BPIFB1: variants seen among roughly 807,000 people sequenced by gnomAD.
The protein encoded by BPIFB1 is BPI fold containing family B member 1.
In BPIFB1, 34 loss-of-function variants were observed where a neutral mutation model predicts 55.1. The ratio of observed to expected loss-of-function variants is 0.62; its 90% CI spans 0.47 to 0.82. BPIFB1 has a LOEUF of 0.82. Among genes scored for constraint, BPIFB1 ranks in the 40% least tolerant of loss-of-function variants. The pLI is 0.00. For synonymous variants in BPIFB1, 236 were observed against 245.3 expected, an observed-to-expected ratio of 0.96 and a Z score of 0.35; for missense variants, 532 against 593.1, an observed-to-expected ratio of 0.90 and a Z score of 1.07.
chr20:33,297,700 C>T (rs778080565), intron 7 of BPIFB1, 112 bp downstream of exon 7: 2 of 1,112,734 alleles, frequency 1.8e-6, no homozygotes, highest in Non-Finnish European at 2.7e-6. Context: ...GCAACTCAGG[C>T]CCAGAAGCAG....
chr20:33,309,837 AT>A lies in BPIFB1; in HGVS notation c.*71del. The stretch of plus-strand genomic sequence containing the variant: ...AGTATGGGTGTGAGCTCTATAGACC[AT>A]CCCTCTCTGCAATCAATAAACACTT... On this transcript the variant is annotated 3_prime_UTR_variant, in exon 16 of 16. Coordinates refer to ENST00000253354, the MANE Select transcript of BPIFB1 (RefSeq NM_033197.3). This position sits in a 1 kb window ranked among gnomAD's most constrained non-coding sequence, Gnocchi z 4.4. 1.5e-6 allele frequency: 2 copies of A among 1,368,250 alleles called. No individual in the cohort carries two copies. The highest frequency in any genetic ancestry group is 2.1e-6 in the Non-Finnish European group (2 of 960,362). The allele number at this position is 1,368,250 out of a possible 1,614,324, so 84.8% of individuals were successfully genotyped here. A position where few individuals can be genotyped will look rare whatever the true frequency, so the allele number is the denominator to read the frequency against.
In BPIFB1 at chr20:33,297,587, G is replaced by A. The variant is rs879184511; in HGVS notation, c.660G>A (p.Lys220=). Reference sequence around the variant, plus strand: ...ATGCAGACCTCCTGCAGCTGGTGAAGGGTAGGTGCTCTGCTCTCTCTCCCA... The same window carrying A: ...ATGCAGACCTCCTGCAGCTGGTGAAAGGTAGGTGCTCTGCTCTCTCTCCCA... ...GMYADLLQLV[K]VPISLSIDRL... Residue 220 remains lysine (K), a splice_region_variant and synonymous_variant, in exon 7 of 16, where the codon AAG becomes AAA. Transcript: ENST00000253354. The A allele has an allele frequency of 6.2e-7, 1 of 1,614,172 alleles. No homozygotes were observed. The highest frequency in any genetic ancestry group is 8.5e-7 in the Non-Finnish European group (1 of 1,179,990).
intron 1 of BPIFB1, among the ~76,000 whole-genome samples, chr20:33,283,550 G>A (rs577407766): frequency 3.0e-4 from 45 of 152,248 alleles, no homozygotes; most frequent in African/African-American, 1.1e-3. Context: ...GTGCTGCGGT[G>A]GTGCTGGGAC....
At chr20:33,304,126 G>T (rs1341299151) in intron 12 of BPIFB1, 101 bp downstream of exon 12, 3 of 1,050,130 alleles carry the variant, frequency 2.9e-6, no homozygotes, top group African/African-American at 3.2e-5. Flanking sequence ...GTCAGGTGAA[G>T]GCGGCTCCAG....
chr20:33,296,023 G>A (rs1980643775), intron 6 of BPIFB1, among the ~76,000 whole-genome samples: 2 of 152,190 alleles, frequency 1.3e-5, no homozygotes, highest in Non-Finnish European at 2.9e-5. Flanking sequence ...ATCTTTTTCA[G>A]TGTAAATCCA....
At chr20:33,291,185 A>C in intron 5 of BPIFB1, 79 bp downstream of exon 5, 1 of 1,542,576 alleles carries the variant, frequency 6.5e-7, no homozygotes, top group Non-Finnish European at 8.8e-7. Context: ...CCATTTTACA[A>C]ATGGAGAACG....
Position 33,301,425 on chromosome 20 carries a change from A to G in BPIFB1, c.927+13A>G. The G allele has an allele frequency of 6.2e-7, 1 of 1,609,356 alleles. No homozygotes were observed. Among genetic ancestry groups the G allele is most frequent in the South Asian group, 1.1e-5 (1 of 90,972 alleles). On this transcript the variant is annotated intron_variant, in intron 9 of 15. Transcript: ENST00000253354. ...GTTGGACTCTGTGGTAAACCTCAGCACAAGGCAGAGAATAGGGCCGCCCAG... is the reference window on the plus strand; with the variant it reads ...GTTGGACTCTGTGGTAAACCTCAGCGCAAGGCAGAGAATAGGGCCGCCCAG...
intron 2 of BPIFB1, among the ~76,000 whole-genome samples, chr20:33,287,480 AAGAGGGAAAACAGACAGAGC>A (rs1980306248): frequency 1.3e-5 from 2 of 152,246 alleles, no homozygotes; most frequent in South Asian, 4.1e-4. Context: ...GGAATTGGCT[AAGAGGGAAAACAGACAGAGC>A]TCTAAAGGAT....
At chr20:33,288,175 T>C (rs1030475853) in intron 2 of BPIFB1, among the ~76,000 whole-genome samples, 1 of 152,192 alleles carries the variant, frequency 6.6e-6, no homozygotes, top group Non-Finnish European at 1.5e-5. Context: ...TGACCTGCTC[T>C]GCACATGAGC....
intron 6 of BPIFB1, among the ~76,000 whole-genome samples, chr20:33,296,431 C>T (rs1980657326): frequency 6.6e-6 from 1 of 152,186 alleles, no homozygotes; most frequent in Admixed American, 6.5e-5. Context: ...GTCAACAAGA[C>T]AAAAATGTCC....
rs138613362 is a variant in BPIFB1 at position 33,302,378 on chromosome 20, G to A, written c.947G>A (p.Arg316Gln). 153 of 1,613,930 alleles carry A rather than the reference G, an allele frequency of 9.5e-5. No individual in the cohort carries two copies. Among genetic ancestry groups the A allele is most frequent in the Admixed American group, 8.3e-5 (5 of 60,004 alleles). ...LDSVLPESAH[R>Q]LKSSIGLINE... ...CCTCAGCTTCCTGAGAGTGCCCATCGGCTGAAGTCAAGCATCGGGCTGATC... is the reference window on the plus strand; with the variant it reads ...CCTCAGCTTCCTGAGAGTGCCCATCAGCTGAAGTCAAGCATCGGGCTGATC... Residue 316 changes from arginine (R) to glutamine (Q), a missense_variant, in exon 10 of 16, where the codon CGG becomes CAG. By Grantham distance (43) the Arg-to-Gln change is conservative. Coordinates refer to ENST00000253354, the MANE Select transcript of BPIFB1 (RefSeq NM_033197.3).
intron 1 of BPIFB1, among the ~76,000 whole-genome samples, chr20:33,285,579 G>C (rs1007829892): frequency 4.6e-5 from 7 of 151,428 alleles, no homozygotes; most frequent in Admixed American, 2.0e-4. Flanking sequence ...TTAGCCTGGC[G>C]CGGTGGTGGG....
chr20:33,283,499 C>T lies in BPIFB1; in HGVS notation c.-42+245C>T, dbSNP rs1980163972. ...TGTTTTCCTGACCTCTTCCTAGTGA[C>T]ATAAACCCACTCTGCACATACCAGT... is the stretch of plus-strand genomic sequence containing the variant. On this transcript the variant is annotated intron_variant, in intron 1 of 15. Coordinates refer to ENST00000253354, the MANE Select transcript of BPIFB1 (RefSeq NM_033197.3). Among the ~76,000 whole-genome samples the T allele has an allele frequency of 2.6e-5, 4 of 152,292 alleles. No individual in the cohort carries two copies. In the South Asian group the frequency reaches 8.3e-4, roughly 32 times the overall value.
chr20:33,307,272 A>G (rs995324356), intron 15 of BPIFB1: 9 of 391,082 alleles, frequency 2.3e-5, no homozygotes, highest in Non-Finnish European at 3.8e-5. Context: ...GGTCTTCTAT[A>G]GGCAAGCCAT....
Position 33,288,617 on chromosome 20 carries a change from G to A in BPIFB1, c.116-124G>A, listed in dbSNP as rs890388520. ...TGGTCCTGACCTCCACCACAGTAGA[G>A]ATGGCTACACCCTCGCCTTACCTCA... is the stretch of plus-strand genomic sequence containing the variant. On this transcript the variant is annotated intron_variant, in intron 2 of 15. Coordinates refer to ENST00000253354, the MANE Select transcript of BPIFB1 (RefSeq NM_033197.3). 4 of 1,156,310 alleles carry A rather than the reference G, an allele frequency of 3.5e-6. No homozygotes were observed. The African/African-American group carries it at 6.3e-5, about 18-fold the overall frequency. 71.6% of individuals were successfully genotyped at this position (1,156,310 alleles called of 1,614,324 possible). A position where few individuals can be genotyped will look rare whatever the true frequency, so the allele number is the denominator to read the frequency against.
Position 33,301,320 on chromosome 20 carries a change from C to T in BPIFB1, c.835C>T (p.Pro279Ser). 6.2e-7 allele frequency: 1 copy of T among 1,614,200 alleles called. No individual in the cohort carries two copies. ...GACAATGCCCACCCTGGACAACATC[C>T]CGTTCAGCCTCATCGTGAGTCAGGA... is the stretch of plus-strand genomic sequence containing the variant. ...SLTMPTLDNI[P>S]FSLIVSQDVV... The change falls in exon 9 of 16, where the codon CCG becomes TCG. Residue 279 changes from proline to serine, a missense_variant. Transcript: ENST00000253354.
intron 7 of BPIFB1, among the ~76,000 whole-genome samples, chr20:33,298,327 C>A (rs757591574): frequency 1.3e-5 from 2 of 152,204 alleles, no homozygotes; most frequent in Non-Finnish European, 2.9e-5. Flanking sequence ...TTCTCCCTCC[C>A]CCAGCATAGC....
intron 6 of BPIFB1, among the ~76,000 whole-genome samples, chr20:33,293,813 C>G (rs1481092339): frequency 6.6e-6 from 1 of 152,120 alleles, no homozygotes; most frequent in African/African-American, 2.4e-5. Context: ...TGCACTCCAG[C>G]CTAGGCATGA....
At chr20:33,297,461 G>A (rs570048213) in intron 6 of BPIFB1, 64 bp from the exon 7 acceptor site, 46 of 1,560,406 alleles carry the variant, frequency 2.9e-5, no homozygotes, top group East Asian at 2.0e-4. Context: ...GGCACAGCCC[G>A]GGGCTGCTGT....
Sources: gnomAD v4.1 joint callset for allele counts (sites outside exome capture counted in the v4.1 genomes callset) on GRCh38, gnomAD v4.1.1 for gene constraint, Gnocchi (gnomAD v3.1) non-coding constraint, MANE v1.5 for transcripts, NCBI Gene and HGNC (gene_info 2026-07-23, HGNC 2026-07-21) for gene names.